Variants in HOXA3 observed in about 807,000 individuals in gnomAD.
HOXA3 encodes the protein homeobox A3.
HOXA3 carries 8 observed loss-of-function variants against 30.3 expected under a neutral mutation model. The ratio of observed to expected loss-of-function variants is 0.26; its 90% confidence interval spans 0.15 to 0.48. The LOEUF is 0.48. HOXA3 is among the 20% of genes least tolerant of loss of function. The pLI is 0.99. For synonymous variants in HOXA3, 323 were observed against 273.1 expected (o/e 1.18, Z -1.80); for missense variants, 653 against 614.4 (o/e 1.06, Z -0.66).
At chr7:27,151,409 C>G (rs1782968299) in intron 1 of HOXA3, 1 of 341,532 alleles carries the variant, frequency 2.9e-6, no homozygotes, top group African/African-American at 2.2e-5. Flanking sequence ...CAGTCCGTTG[C>G]GCCAAGGTGG....
At chr7:27,129,157 G>A in intron 2 of HOXA3, 1 of 963,294 alleles carries the variant, frequency 1.0e-6, no homozygotes, top group Non-Finnish European at 1.7e-6. Flanking sequence ...GGGTGGATGA[G>A]GAACGGAGCA....
chr7:27,107,852 A>AT lies in HOXA3; in HGVS notation c.*62_*63insA. ...GAACCTAAAAAAAAAAAAAAAAAAA[A>AT]GCAACCAAAGAAAAAAGGTGGGTGG... On this transcript the variant is annotated 3_prime_UTR_variant, in exon 6 of 6. Coordinates refer to ENST00000612286, the MANE Select transcript of HOXA3 (RefSeq NM_153631.3). 3 of 985,594 alleles carry AT rather than the reference A, an allele frequency of 3.0e-6. No individual in the cohort carries two copies. Among genetic ancestry groups the AT allele is most frequent in the Non-Finnish European group, 4.2e-6 (3 of 714,382 alleles). 61.1% of individuals were successfully genotyped at this position (985,594 alleles called of 1,614,324 possible).
intron 1 of HOXA3, chr7:27,143,009 C>T (rs1267248252): frequency 2.0e-6 from 3 of 1,482,216 alleles, no homozygotes; most frequent in Non-Finnish European, 2.7e-6. Flanking sequence ...AGCCGCGTCC[C>T]CGCGGTCGCG....
intron 1 of HOXA3, chr7:27,142,215 C>A (rs1277861396): frequency 9.8e-6 from 9 of 917,866 alleles, no homozygotes; most frequent in Middle Eastern, 2.2e-4. Context: ...AGCCCGCACA[C>A]CCCTCCCGAA....
intron 1 of HOXA3, chr7:27,142,976 C>T: frequency 1.5e-6 from 2 of 1,358,562 alleles, no homozygotes; most frequent in East Asian, 2.5e-5. Flanking sequence ...GAGAGGGCGG[C>T]AGAGAAGAGA....
At chr7:27,116,817 T>C (rs1467272443) in intron 4 of HOXA3, among the ~76,000 whole-genome samples, 1 of 151,864 alleles carries the variant, frequency 6.6e-6, no homozygotes, top group East Asian at 1.9e-4. Flanking sequence ...TTCCAAGGGG[T>C]GTTTTAGAGC....
chr7:27,114,392 T>A (rs1318692333), intron 4 of HOXA3, among the ~76,000 whole-genome samples: 2 of 151,730 alleles, frequency 1.3e-5, no homozygotes, highest in Non-Finnish European at 3.0e-5. Context: ...AAAGTGAGTT[T>A]CCCAGACTTT....
chr7:27,108,903 T>C lies in HOXA3; in HGVS notation c.527-183A>G, dbSNP rs1363123587. Among the ~76,000 whole-genome samples the C allele has an allele frequency of 6.6e-6, 1 of 151,878 alleles. No homozygotes were observed. Among genetic ancestry groups the C allele is most frequent in the African/African-American group, 2.4e-5 (1 of 41,346 alleles). ...TGGGTAAAACAGTGATACTCCCTCATTTAGCCAAGGAGCAAATCACAGCCT... is the reference window on the plus strand; with the variant it reads ...TGGGTAAAACAGTGATACTCCCTCACTTAGCCAAGGAGCAAATCACAGCCT... On this transcript the variant is annotated intron_variant, in intron 5 of 5. Transcript: ENST00000612286. This position sits in a 1 kb window ranked among gnomAD's most constrained non-coding sequence, Gnocchi z 5.0.
intron 1 of HOXA3, chr7:27,143,577 CGCAA>C: frequency 6.3e-7 from 1 of 1,599,990 alleles, no homozygotes; most frequent in Non-Finnish European, 8.5e-7. Context: ...GGATAGCGAC[CGCAA>C]AATGAGTTTA....
At chr7:27,140,504 C>G (rs941539967) in intron 1 of HOXA3, 3 of 152,226 alleles carry the variant, frequency 2.0e-5, no homozygotes, top group African/African-American at 7.2e-5. Flanking sequence ...TGCGCTTTAG[C>G]TGCTCTGAGG....
chr7:27,144,415 G>T (rs1388522908), intron 1 of HOXA3, among the ~76,000 whole-genome samples: 1 of 152,226 alleles, frequency 6.6e-6, no homozygotes, highest in African/African-American at 2.4e-5. Flanking sequence ...CCAAGGCGAG[G>T]TCAAATTCCA....
intron 1 of HOXA3, chr7:27,147,132 C>T: frequency 1.5e-6 from 1 of 671,050 alleles, no homozygotes; most frequent in Non-Finnish European, 2.5e-6. Context: ...TCTGCCATGG[C>T]CTGATAGCCC....
At chr7:27,142,877 A>C in intron 1 of HOXA3, 1 of 628,554 alleles carries the variant, frequency 1.6e-6, no homozygotes, top group South Asian at 2.3e-5. Context: ...GGGTGCTCGC[A>C]AAGAAGAGGA....
chr7:27,127,155 G>T (rs1217561892), intron 2 of HOXA3, 85 bp from the exon 3 acceptor site: 1 of 152,162 alleles, frequency 6.6e-6, no homozygotes, highest in South Asian at 2.1e-4. Flanking sequence ...ATTTAATTTT[G>T]TTTTACAAGT....
intron 2 of HOXA3, among the ~76,000 whole-genome samples, chr7:27,128,002 G>A (rs1166692726): frequency 6.6e-6 from 1 of 152,186 alleles, no homozygotes; most frequent in Non-Finnish European, 1.5e-5. Flanking sequence ...GAACAGCCAG[G>A]AAACAAAAAC....
In HOXA3 at chr7:27,129,590, G is replaced by T. The variant is rs762131575; in HGVS notation, c.-389-2520C>A. On this transcript the variant is annotated intron_variant, in intron 2 of 5. Transcript: ENST00000612286. ...GGGTTAACTGAAAACCCAGAACCCC[G>T]AAATAGAAGGCCAAGGAGGAGGGAG... is the stretch of plus-strand genomic sequence containing the variant. 3.1e-6 allele frequency: 5 copies of T among 1,608,718 alleles called. 1 individual carries two copies. In the Middle Eastern group the frequency reaches 4.9e-4, roughly 159 times the overall value.
chr7:27,129,461 G>A (rs771351849), intron 2 of HOXA3: 2 of 1,614,040 alleles, frequency 1.2e-6, no homozygotes, highest in African/African-American at 1.3e-5. Flanking sequence ...ATGCGGCGCC[G>A]CCGGGTCAGG....
intron 1 of HOXA3, among the ~76,000 whole-genome samples, chr7:27,147,990 C>G (rs1441739574): frequency 3.3e-5 from 5 of 152,248 alleles, no homozygotes; most frequent in East Asian, 1.9e-4. Context: ...CCGCCGCCCG[C>G]CCGGCAGATT....
rs766238805 is a variant in HOXA3, at chr7:27,107,655, A to C, written c.*260T>G. ...TGGAGAAGGTAAAGGGTGCAGGGCC[A>C]GTGGCCTATCGAGGAGCAGGAAGAG... On this transcript the variant is annotated 3_prime_UTR_variant, in exon 6 of 6. Transcript: ENST00000612286. The C allele has an allele frequency of 9.7e-5, 38 of 390,780 alleles. 1 individual carries two copies. Among genetic ancestry groups the C allele is most frequent in the Non-Finnish European group, 1.6e-4 (35 of 220,232 alleles). The allele number at this position is 390,780 out of a possible 1,614,324, so 24.2% of individuals were successfully genotyped here. A position where few individuals can be genotyped will look rare whatever the true frequency, so the allele number is the denominator to read the frequency against.
Sources: gnomAD v4.1 joint callset for allele counts (sites outside exome capture counted in the v4.1 genomes callset) on GRCh38, gnomAD v4.1.1 for gene constraint, Gnocchi (gnomAD v3.1) non-coding constraint, MANE v1.5 for transcripts, NCBI Gene and HGNC (gene_info 2026-07-23, HGNC 2026-07-21) for gene names.